Variants in CYP19A1 observed in about 807,000 individuals in gnomAD.
The protein encoded by CYP19A1 is cytochrome P450 family 19 subfamily A member 1.
CYP19A1 carries 32 observed loss-of-function variants against 44.4 expected under a neutral mutation model. That is an observed-to-expected ratio of 0.72 (90% CI 0.54 to 0.97). CYP19A1 has a LOEUF of 0.97. Ranked by LOEUF, CYP19A1 falls within the 50% of genes least tolerant of loss-of-function variation. The pLI, the probability that CYP19A1 is intolerant of heterozygous loss-of-function variation, is 0.00. For synonymous variants in CYP19A1, 212 were observed against 215.6 expected, an observed-to-expected ratio of 0.98 and a Z score of 0.14; for missense variants, 598 against 637.8, an observed-to-expected ratio of 0.94 and a Z score of 0.67.
rs12101420 is a variant in CYP19A1, at chr15:51,282,656, C to T, written c.-38-39706G>A. The stretch of plus-strand genomic sequence containing the variant: ...TTGACTCTGCCAGACTTCGTTGCCC[C>T]AAGGCCTGGTGTTGGATCTGATCAC... On this transcript the variant is annotated intron_variant, in intron 1 of 9. Transcript: ENST00000396402. Among the ~76,000 whole-genome samples, 1,252 of 152,306 alleles carry T rather than the reference C, an allele frequency of 8.2e-3. 19 individuals carry two copies. Among genetic ancestry groups the T allele is most frequent in the African/African-American group, 0.029 (1,193 of 41,556 alleles).
intron 1 of CYP19A1, chr15:51,279,261 C>G (rs1037170585): frequency 2.0e-5 from 3 of 152,238 alleles, no homozygotes; most frequent in Non-Finnish European, 4.4e-5. Flanking sequence ...ATTCAAGAAG[C>G]CTTCATGCCC....
At position 51,215,050 on chromosome 15, in the gene CYP19A1, T is replaced by C; in HGVS notation, c.1021+20A>G. The C allele has an allele frequency of 1.2e-6, 2 of 1,604,322 alleles. No individual in the cohort carries two copies. The highest frequency in any genetic ancestry group is 1.1e-5 in the South Asian group (1 of 89,794). Reference sequence around the variant, plus strand: ...AAGAAATTGTTTTTAAGATGTATTATTTATTTGATAAATTCTTACCAATAA... The same window carrying C: ...AAGAAATTGTTTTTAAGATGTATTACTTATTTGATAAATTCTTACCAATAA... On this transcript the variant is annotated intron_variant, in intron 8 of 9. Coordinates refer to ENST00000396402, the MANE Select transcript of CYP19A1 (RefSeq NM_000103.4).
At chr15:51,330,285 A>C (rs1054346917) in intron 1 of CYP19A1, among the ~76,000 whole-genome samples, 13 of 152,060 alleles carry the variant, frequency 8.5e-5, no homozygotes, top group African/African-American at 2.7e-4. Context: ...GCACTTGGAG[A>C]AGTGGCACAG....
chr15:51,224,111 C>T lies in CYP19A1; in HGVS notation c.452-1586G>A, dbSNP rs2032370760. Among the ~76,000 whole-genome samples, 7 of 152,280 alleles carry T rather than the reference C, an allele frequency of 4.6e-5. No individual in the cohort carries two copies. The South Asian group carries it at 1.5e-3, about 32-fold the overall frequency. On this transcript the variant is annotated intron_variant, in intron 4 of 9. Coordinates refer to ENST00000396402, the MANE Select transcript of CYP19A1 (RefSeq NM_000103.4). ...AAATACCATCAATATGGACACATTT[C>T]TCGGCAGTTTTGGGAAACACATGCT...
chr15:51,300,169 G>T (rs1207703754), intron 1 of CYP19A1, among the ~76,000 whole-genome samples: 2 of 152,120 alleles, frequency 1.3e-5, no homozygotes, highest in Non-Finnish European at 2.9e-5. Flanking sequence ...TTATTTAGAT[G>T]ATTTTCTTCA....
At position 51,242,881 on chromosome 15, in the gene CYP19A1, T is replaced by C. The variant is rs981890008; in HGVS notation, c.32A>G (p.Tyr11Cys). The change falls in exon 2 of 10, where the codon TAT becomes TGT. Residue 11 changes from tyrosine to cysteine, a missense_variant. Transcript: ENST00000396402. ...TTCAGGCACGATGCTGGTGATGTTA[T>C]AATGTATCGGGTTCAGCATTTCCAA... MVLEMLNPIH[Y>C]NITSIVPEAM... 5.0e-6 allele frequency: 8 copies of C among 1,610,444 alleles called. No individual in the cohort carries two copies. The highest frequency in any genetic ancestry group is 1.7e-4 in the Middle Eastern group (1 of 6,054).
chr15:51,334,478 G>T (rs117364239), intron 1 of CYP19A1, among the ~76,000 whole-genome samples: 1 of 152,172 alleles, frequency 6.6e-6, no homozygotes, highest in Non-Finnish European at 1.5e-5. Flanking sequence ...ACAGTGGCTC[G>T]AGTTCCATAA....
intron 1 of CYP19A1, among the ~76,000 whole-genome samples, chr15:51,252,182 C>A (rs2141144286): frequency 6.6e-6 from 1 of 152,306 alleles, no homozygotes; most frequent in Admixed American, 6.5e-5. Context: ...TAGCTCTTCT[C>A]ATTTCTTTTA....
intron 1 of CYP19A1, among the ~76,000 whole-genome samples, chr15:51,334,039 C>A (rs2036740918): frequency 6.6e-6 from 1 of 152,134 alleles, no homozygotes; most frequent in South Asian, 2.1e-4. Context: ...TCTGCTAGAC[C>A]AGGCTTGGCT....
chr15:51,273,451 T>C (rs1224128731), intron 1 of CYP19A1, among the ~76,000 whole-genome samples: 1 of 152,198 alleles, frequency 6.6e-6, no homozygotes, highest in Non-Finnish European at 1.5e-5. Context: ...GTGGCAGTTA[T>C]CCCTAATCTA....
chr15:51,250,692 T>C (rs757311015), intron 1 of CYP19A1, among the ~76,000 whole-genome samples: 6 of 152,206 alleles, frequency 3.9e-5, no homozygotes, highest in South Asian at 2.1e-4. Context: ...TCCTATTGCA[T>C]TGGGGTTGCC....
At chr15:51,273,094 G>GGACT (rs750245635) in intron 1 of CYP19A1, among the ~76,000 whole-genome samples, 1 of 152,010 alleles carries the variant, frequency 6.6e-6, no homozygotes, top group Non-Finnish European at 1.5e-5. Flanking sequence ...TGAGTAGCTG[G>GGACT]GACTACAGGT....
intron 1 of CYP19A1, 49 bp downstream of exon 1, chr15:51,338,446 G>T (rs188403901): frequency 6.6e-6 from 1 of 152,306 alleles, no homozygotes; most frequent in East Asian, 1.9e-4. Flanking sequence ...CCTGGAAAGA[G>T]TGTCTGATCC....
chr15:51,279,356 A>G (rs1252316797), intron 1 of CYP19A1, among the ~76,000 whole-genome samples: 1 of 152,208 alleles, frequency 6.6e-6, no homozygotes, highest in Non-Finnish European at 1.5e-5. Flanking sequence ...ATGGGAGCCC[A>G]GCAGGAAGAT....
At chr15:51,233,267 C>T (rs1036957136) in intron 3 of CYP19A1, among the ~76,000 whole-genome samples, 1 of 152,194 alleles carries the variant, frequency 6.6e-6, no homozygotes, top group African/African-American at 2.4e-5. Flanking sequence ...TTGCCCGGGA[C>T]TATGCCAGTT....
chr15:51,220,062 G>A (rs1422987054), intron 5 of CYP19A1, among the ~76,000 whole-genome samples: 1 of 152,202 alleles, frequency 6.6e-6, no homozygotes, highest in Non-Finnish European at 1.5e-5. Context: ...GTGCCCAAGT[G>A]TAGTATACCA....
At chr15:51,325,614 C>T (rs1460793865) in intron 1 of CYP19A1, among the ~76,000 whole-genome samples, 11 of 152,136 alleles carry the variant, frequency 7.2e-5, no homozygotes, top group Middle Eastern at 6.8e-3. Context: ...CCGAGGTGGG[C>T]GGATCACGAG....
At chr15:51,275,018 G>C (rs2035256049) in intron 1 of CYP19A1, among the ~76,000 whole-genome samples, 1 of 152,150 alleles carries the variant, frequency 6.6e-6, no homozygotes. Flanking sequence ...CATGTCACTT[G>C]GCCCATTCTG....
intron 1 of CYP19A1, among the ~76,000 whole-genome samples, chr15:51,256,619 C>A (rs2034526303): frequency 1.3e-5 from 2 of 152,174 alleles, no homozygotes; most frequent in Admixed American, 1.3e-4. Context: ...AGACCTGTAA[C>A]CTTGGCTGGG....
Sources: allele counts gnomAD v4.1 joint callset (sites outside exome capture counted in the v4.1 genomes callset), GRCh38; gene constraint gnomAD v4.1.1; transcripts MANE v1.5; gene names NCBI Gene and HGNC (gene_info 2026-07-23, HGNC 2026-07-21).